PCDHGB2: variants seen among roughly 807,000 people sequenced by gnomAD.
PCDHGB2 encodes the protein protocadherin gamma-B2.
PCDHGB2 carries 55 observed loss-of-function variants against 59.3 expected under a neutral mutation model. The observed-to-expected ratio is 0.93, with a 90% CI of 0.75 to 1.16. The LOEUF (loss-of-function observed/expected upper bound fraction) is 1.16, where lower values mean the gene tolerates loss of function less well. PCDHGB2 is among the 50% of genes most tolerant of loss of function. The pLI is 0.00. For missense variants in PCDHGB2, 1,228 were observed against 1,198.5 expected, an observed-to-expected ratio of 1.02 and a Z score of -0.36; for synonymous variants, 516 against 512.0, an observed-to-expected ratio of 1.01 and a Z score of -0.11.
At chr5:141,383,639 A>G in intron 1 of PCDHGB2, 3 of 1,613,964 alleles carry the variant, frequency 1.9e-6, no homozygotes, top group Non-Finnish European at 2.5e-6. Flanking sequence ...CTGCCTCAGT[A>G]CCAAGTAACT....
chr5:141,415,387 G>A (rs1347191224), intron 1 of PCDHGB2: 2 of 1,614,168 alleles, frequency 1.2e-6, no homozygotes. Context: ...CGGCTTGACA[G>A]GTGTGTCCGG....
chr5:141,427,936 G>A, intron 1 of PCDHGB2: 1 of 1,584,966 alleles, frequency 6.3e-7, no homozygotes, highest in Admixed American at 1.7e-5. Context: ...ATGTTGGTGG[G>A]CGACCTCAAT....
intron 1 of PCDHGB2, among the ~76,000 whole-genome samples, chr5:141,449,579 ACT>A (rs370512396): frequency 0.052 from 7,360 of 141,924 alleles, 400 homozygotes; most frequent in African/African-American, 0.14. Flanking sequence ...ACAGAGCAAG[ACT>A]CTGTCTCAAA....
intron 1 of PCDHGB2, chr5:141,423,728 T>C (rs1312071121): frequency 9.4e-6 from 10 of 1,067,510 alleles, no homozygotes; most frequent in Non-Finnish European, 1.1e-5. Context: ...AGATGTTTTT[T>C]GAGCCTGTTA....
intron 1 of PCDHGB2, chr5:141,419,541 G>A: frequency 6.2e-7 from 1 of 1,612,076 alleles, no homozygotes; most frequent in Non-Finnish European, 8.5e-7. Context: ...AACGCACCGC[G>A]GGTGCTGTAC....
intron 1 of PCDHGB2, chr5:141,403,862 G>A (rs1370445288): frequency 1.2e-6 from 2 of 1,613,508 alleles, no homozygotes; most frequent in East Asian, 2.2e-5. Flanking sequence ...AATATCAACA[G>A]CAAAAAGTCT....
In PCDHGB2 at chr5:141,413,207, C is replaced by G. The variant is rs563279284; in HGVS notation, c.2421+50651C>G. The G allele has an allele frequency of 2.1e-4, 334 of 1,612,874 alleles. 3 individuals carry two copies. In the South Asian group the frequency reaches 3.4e-3, roughly 17 times the overall value. On this transcript the variant is annotated intron_variant, in intron 1 of 3. Coordinates refer to ENST00000522605, the MANE Select transcript of PCDHGB2 (RefSeq NM_018923.3). ...GCTCAAAGGAATCGCTCAAAGGAAT[C>G]AAAGGATTGCAGCGGGCTGGTCCTG... is the stretch of plus-strand genomic sequence containing the variant.
chr5:141,388,407 A>G (rs2091351140), intron 1 of PCDHGB2: 6 of 1,613,878 alleles, frequency 3.7e-6, no homozygotes, highest in Middle Eastern at 3.3e-4. Flanking sequence ...ACTCAGTCCC[A>G]GTGATCATTT....
In PCDHGB2 at chr5:141,483,740, A is replaced by T. The variant is rs2099586227; in HGVS notation, c.2422-11067A>T. Among the ~76,000 whole-genome samples, 4 of 152,148 alleles carry T rather than the reference A, an allele frequency of 2.6e-5. No homozygotes were observed. The South Asian group carries it at 8.3e-4, about 32-fold the overall frequency. ...TGGTTCCCACCATAGTCAAAAGGATATTCCTGAGGATCGAGGCTTGGAAAA... is the reference window on the plus strand; with the variant it reads ...TGGTTCCCACCATAGTCAAAAGGATTTTCCTGAGGATCGAGGCTTGGAAAA... On this transcript the variant is annotated intron_variant, in intron 1 of 3. Transcript: ENST00000522605.
chr5:141,405,522 C>T (rs542329840), intron 1 of PCDHGB2: 28 of 682,252 alleles, frequency 4.1e-5, no homozygotes, highest in Admixed American at 8.3e-5. Flanking sequence ...CAAATTCAAG[C>T]GATTCTCCTG....
intron 1 of PCDHGB2, among the ~76,000 whole-genome samples, chr5:141,492,336 A>G (rs1353947767): frequency 1.3e-5 from 2 of 152,072 alleles, no homozygotes; most frequent in East Asian, 3.9e-4. Context: ...TTACGCGAAT[A>G]CCAGCTTTCA....
At chr5:141,392,303 A>G (rs2092505903) in intron 1 of PCDHGB2, 1 of 151,852 alleles carries the variant, frequency 6.6e-6, no homozygotes, top group South Asian at 2.1e-4. Context: ...TGAAAGTATC[A>G]TGTTTTTTTT....
At chr5:141,494,365 C>A (rs193174055) in intron 1 of PCDHGB2, among the ~76,000 whole-genome samples, 20 of 152,290 alleles carry the variant, frequency 1.3e-4, no homozygotes, top group Non-Finnish European at 2.2e-4. Context: ...GCAGAGGATG[C>A]TTTGTTCCCA....
At position 141,432,643 on chromosome 5, in the gene PCDHGB2, G is replaced by A. The variant is rs2097523971; in HGVS notation, c.2422-62164G>A. 15 of 1,613,754 alleles carry A rather than the reference G, an allele frequency of 9.3e-6. No homozygotes were observed. Among genetic ancestry groups the A allele is most frequent in the East Asian group, 4.5e-5 (2 of 44,860 alleles). ...GTCTGCACACGGGCGAGGTGCGCAC[G>A]GCGCGAGCCCTGCTGGACAGAGACG... On this transcript the variant is annotated intron_variant, in intron 1 of 3. Coordinates refer to ENST00000522605, the MANE Select transcript of PCDHGB2 (RefSeq NM_018923.3). This position sits in a 1 kb window ranked among gnomAD's most constrained non-coding sequence, Gnocchi z 6.0.
intron 1 of PCDHGB2, chr5:141,387,914 G>A (rs1379719736): frequency 1.5e-5 from 22 of 1,487,626 alleles, no homozygotes; most frequent in Non-Finnish European, 1.8e-5. Context: ...AGCTGGGCCG[G>A]GCTGAGAGGC....
chr5:141,410,847 G>GTATTTT, intron 1 of PCDHGB2: 1 of 158,250 alleles, frequency 6.3e-6, no homozygotes, highest in Non-Finnish European at 1.0e-5. Flanking sequence ...TTTTGTCTTT[G>GTATTTT]TCTTTTTTTT....
chr5:141,394,196 C>T, intron 1 of PCDHGB2: 1 of 1,613,910 alleles, frequency 6.2e-7, no homozygotes, highest in Non-Finnish European at 8.5e-7. Flanking sequence ...CAGCGTATAT[C>T]CTAGAGAACA....
intron 1 of PCDHGB2, chr5:141,371,298 A>G (rs1767641174): frequency 6.2e-7 from 1 of 1,614,018 alleles, no homozygotes; most frequent in Non-Finnish European, 8.5e-7. Context: ...GGGGGAACTC[A>G]CCACTATTGG....
chr5:141,460,950 T>C (rs1458616371), intron 1 of PCDHGB2, among the ~76,000 whole-genome samples: 1 of 135,948 alleles, frequency 7.4e-6, no homozygotes, highest in East Asian at 2.0e-4. Flanking sequence ...ATATGTATTA[T>C]GTATATATAT....
Sources: gnomAD v4.1 joint callset for allele counts (sites outside exome capture counted in the v4.1 genomes callset) on GRCh38, gnomAD v4.1.1 for gene constraint, Gnocchi (gnomAD v3.1) non-coding constraint, MANE v1.5 for transcripts, NCBI Gene and HGNC (gene_info 2026-07-23, HGNC 2026-07-21) for gene names.